Variants in NAV3 observed in about 807,000 individuals in gnomAD.
NAV3 encodes the protein pore membrane and/or filament interacting like protein 1.
A neutral mutation model predicts 244.7 loss-of-function variants in NAV3; 87 were observed. That is an observed-to-expected ratio of 0.36 (90% confidence interval 0.30 to 0.42). The LOEUF (loss-of-function observed/expected upper bound fraction) is 0.42. Ranked by LOEUF, NAV3 falls within the 20% of genes least tolerant of loss-of-function variation. NAV3 has a pLI of 1.00. For synonymous variants in NAV3, 1,126 were observed against 1,042.2 expected, an observed-to-expected ratio of 1.08 and a Z score of -1.55; for missense variants, 2,663 against 2,893.3, an observed-to-expected ratio of 0.92 and a Z score of 1.83.
chr12:78,134,538 A>T (rs1271196566), intron 18 of NAV3, among the ~76,000 whole-genome samples: 1 of 152,148 alleles, frequency 6.6e-6, no homozygotes, highest in African/African-American at 2.4e-5. Context: ...TAATAAACTC[A>T]CTAGTTAATG....
At chr12:77,736,648 A>G (rs2137369207) in intron 2 of NAV3, among the ~76,000 whole-genome samples, 1 of 152,352 alleles carries the variant, frequency 6.6e-6, no homozygotes, top group East Asian at 1.9e-4. Context: ...GGTTATGGTT[A>G]AAGTGAAGTG....
intron 2 of NAV3, among the ~76,000 whole-genome samples, chr12:77,723,901 C>T (rs1349126696): frequency 6.6e-6 from 1 of 151,326 alleles, no homozygotes; most frequent in Non-Finnish European, 1.5e-5. Flanking sequence ...TTGCTTCATA[C>T]ATATGAGATT....
intron 1 of NAV3, among the ~76,000 whole-genome samples, chr12:77,938,604 G>A (rs905732244): frequency 1.3e-5 from 2 of 151,978 alleles, no homozygotes; most frequent in African/African-American, 4.8e-5. Context: ...CTTCTGTGTT[G>A]TAATCTTGTG....
At chr12:77,946,837 AT>A (rs1890394088) in intron 3 of NAV3, among the ~76,000 whole-genome samples, 2 of 152,290 alleles carry the variant, frequency 1.3e-5, no homozygotes, top group African/African-American at 2.4e-5. Flanking sequence ...AGTTGTTTCA[AT>A]GACATTTAAA....
intron 1 of NAV3, among the ~76,000 whole-genome samples, chr12:77,923,291 G>T (rs949354629): frequency 2.6e-5 from 4 of 151,976 alleles, no homozygotes; most frequent in Non-Finnish European, 5.9e-5. Context: ...TGATAGTGAA[G>T]AATTTTGAAT....
intron 2 of NAV3, among the ~76,000 whole-genome samples, chr12:77,657,223 GA>G (rs1340378149): frequency 1.3e-5 from 2 of 151,714 alleles, no homozygotes; most frequent in Non-Finnish European, 2.9e-5. Context: ...GACTAATAAA[GA>G]AAAAAAGAGA....
intron 2 of NAV3, among the ~76,000 whole-genome samples, chr12:77,661,205 A>C (rs1873430433): frequency 6.6e-6 from 1 of 152,158 alleles, no homozygotes. Flanking sequence ...CCCGCCAGCC[A>C]TGTCTGAGAG....
At chr12:77,917,450 C>A (rs1242044218) in intron 1 of NAV3, among the ~76,000 whole-genome samples, 1 of 151,944 alleles carries the variant, frequency 6.6e-6, no homozygotes, top group African/African-American at 2.4e-5. Context: ...AAATACACAT[C>A]TTTTATATCA....
intron 2 of NAV3, among the ~76,000 whole-genome samples, chr12:77,672,288 G>C (rs750339147): frequency 6.6e-6 from 1 of 152,122 alleles, no homozygotes. Flanking sequence ...CTTTTACACC[G>C]TTGGAGGGAA....
chr12:77,596,652 CAAAG>C (rs979190431), intron 2 of NAV3, among the ~76,000 whole-genome samples: 9 of 151,930 alleles, frequency 5.9e-5, no homozygotes, highest in Non-Finnish European at 1.3e-4. Context: ...GCAAGGCACT[CAAAG>C]AACAAGAGAG....
chr12:78,030,546 T>C (rs1270443221), intron 9 of NAV3, among the ~76,000 whole-genome samples: 1 of 152,220 alleles, frequency 6.6e-6, no homozygotes, highest in Non-Finnish European at 1.5e-5. Context: ...GTGGTGAATA[T>C]GATGATACTT....
intron 12 of NAV3, among the ~76,000 whole-genome samples, chr12:78,072,275 T>G (rs1274413286): frequency 6.8e-6 from 1 of 147,226 alleles, no homozygotes; most frequent in African/African-American, 2.5e-5. Context: ...TCAACAAAAT[T>G]GATAGACCGC....
At chr12:77,758,203 C>G (rs1869280579) in intron 2 of NAV3, among the ~76,000 whole-genome samples, 1 of 152,170 alleles carries the variant, frequency 6.6e-6, no homozygotes, top group South Asian at 2.1e-4. Flanking sequence ...TTTCATCACT[C>G]TCTATCCTTT....
At chr12:77,709,566 C>T (rs1876005238) in intron 2 of NAV3, among the ~76,000 whole-genome samples, 1 of 152,158 alleles carries the variant, frequency 6.6e-6, no homozygotes, top group Non-Finnish European at 1.5e-5. Flanking sequence ...TCATATCAAA[C>T]AGTGTTTTAA....
intron 2 of NAV3, among the ~76,000 whole-genome samples, chr12:77,717,428 C>T (rs1233172061): frequency 6.6e-6 from 1 of 152,060 alleles, no homozygotes; most frequent in African/African-American, 2.4e-5. Flanking sequence ...CAAGTTTCAT[C>T]CATGTTATAG....
intron 7 of NAV3, among the ~76,000 whole-genome samples, chr12:78,000,182 A>G (rs928100651): frequency 3.2e-4 from 49 of 152,194 alleles, no homozygotes; most frequent in Non-Finnish European, 6.2e-4. Flanking sequence ...TTCCCTATCT[A>G]TGCTTAGAAG....
chr12:77,975,297 T>A (rs1056290594), intron 5 of NAV3, among the ~76,000 whole-genome samples: 2 of 152,246 alleles, frequency 1.3e-5, no homozygotes, highest in African/African-American at 4.8e-5. Context: ...GCACGTAGTA[T>A]GTTCTAGACA....
At chr12:78,146,494 G>T in intron 21 of NAV3, 102 bp downstream of exon 21, 1 of 380,424 alleles carries the variant, frequency 2.6e-6, no homozygotes, top group South Asian at 8.4e-5. Context: ...TACAATAGCA[G>T]AACTCCACAG....
intron 24 of NAV3, among the ~76,000 whole-genome samples, chr12:78,172,025 A>C (rs1273761920): frequency 6.6e-6 from 1 of 151,660 alleles, no homozygotes; most frequent in African/African-American, 2.4e-5. Flanking sequence ...AGGCATTATC[A>C]GATCTTAAAA....
Sources: allele counts gnomAD v4.1 joint callset (sites outside exome capture counted in the v4.1 genomes callset), GRCh38; gene constraint gnomAD v4.1.1; transcripts MANE v1.5; gene names NCBI Gene and HGNC (gene_info 2026-07-23, HGNC 2026-07-21).